CFH: variants seen among roughly 807,000 people sequenced by gnomAD.
The protein encoded by CFH is H factor 1 (complement).
Under a neutral mutation model 147.3 loss-of-function variants are expected in CFH, and 53 were observed. That is an observed-to-expected ratio of 0.36 (90% CI 0.29 to 0.45). CFH has a LOEUF of 0.45. Among genes scored for constraint, CFH ranks in the 20% least tolerant of loss-of-function variants. CFH has a pLI of 1.00. For synonymous variants in CFH, 536 were observed against 489.4 expected (o/e 1.10, Z -1.26); for missense variants, 1,380 against 1,498.0 (o/e 0.92, Z 1.30).
intron 9 of CFH, among the ~76,000 whole-genome samples, chr1:196,692,567 CTTTCT>C (rs2149090369): frequency 7.8e-6 from 1 of 127,724 alleles, no homozygotes; most frequent in Admixed American, 8.5e-5. Context: ...TTTCTTCTTT[CTTTCT>C]TTTTCTTTCT....
At chr1:196,706,464 CA>C (rs1447958845) in intron 9 of CFH, among the ~76,000 whole-genome samples, 1 of 151,792 alleles carries the variant, frequency 6.6e-6, no homozygotes, top group East Asian at 1.9e-4. Context: ...AAAAAATGCC[CA>C]AAGCCTTCCT....
At chr1:196,736,667 A>G (rs1428620475) in intron 15 of CFH, among the ~76,000 whole-genome samples, 157 bp from the exon 16 acceptor site, 1 of 150,652 alleles carries the variant, frequency 6.6e-6, no homozygotes, top group Non-Finnish European at 1.5e-5. Flanking sequence ...ATACAAAAAC[A>G]TCATAATTAA....
At chr1:196,738,714 T>C (rs1217719957) in intron 17 of CFH, among the ~76,000 whole-genome samples, 2 of 152,202 alleles carry the variant, frequency 1.3e-5, no homozygotes, top group Non-Finnish European at 2.9e-5. Context: ...TGAGTGTCTG[T>C]GGCTTTTCCA....
intron 9 of CFH, among the ~76,000 whole-genome samples, chr1:196,712,634 A>C (rs1445473897): frequency 1.4e-5 from 2 of 147,678 alleles, no homozygotes; most frequent in Admixed American, 6.7e-5. Flanking sequence ...TTATTATTAT[A>C]CTTTAAGTTT....
At chr1:196,723,561 C>A (rs1231291854) in intron 11 of CFH, among the ~76,000 whole-genome samples, 1 of 152,134 alleles carries the variant, frequency 6.6e-6, no homozygotes, top group Non-Finnish European at 1.5e-5. Flanking sequence ...TAAGAGCCAG[C>A]TGCAGCAGAG....
intron 1 of CFH, among the ~76,000 whole-genome samples, chr1:196,665,556 A>T (rs971415408): frequency 6.6e-6 from 1 of 151,980 alleles, no homozygotes; most frequent in Non-Finnish European, 1.5e-5. Flanking sequence ...AAATAAAGTA[A>T]GGATTCAAAT....
At chr1:196,737,772 A>C (rs56152784) in intron 17 of CFH, 112 bp downstream of exon 17, 4 of 757,260 alleles carry the variant, frequency 5.3e-6, no homozygotes, top group Non-Finnish European at 8.5e-6. Flanking sequence ...AAAATAATTT[A>C]TATATTATAC....
chr1:196,690,108 A>G lies in CFH; in HGVS notation c.1205A>G (p.His402Arg). The G allele has an allele frequency of 6.2e-7, 1 of 1,612,362 alleles. No homozygotes were observed. Among genetic ancestry groups the G allele is most frequent in the East Asian group, 2.2e-5 (1 of 44,774 alleles). The change falls in exon 9 of 22, where the codon CAT becomes CGT. Residue 402 changes from histidine (H) to arginine (R), a missense_variant. By Grantham distance (29) the His-to-Arg change is conservative (BLOSUM62 0). Around this residue, in one of 4 missense-constraint regions of CFH, gnomAD observed 830 missense variants for 821.4 expected, o/e 1.01. Transcript: ENST00000367429. Reference sequence around the variant, plus strand: ...TTGGAAAATGGATATAATCAAAATCATGGAAGAAAGTTTGTACAGGGTAAA... The same window carrying G: ...TTGGAAAATGGATATAATCAAAATCGTGGAAGAAAGTTTGTACAGGGTAAA... Reference protein sequence around the residue: ...PYLENGYNQNHGRKFVQGKSI... With the variant: ...PYLENGYNQNRGRKFVQGKSI...
chr1:196,672,499 C>A (rs1444156317), intron 1 of CFH, among the ~76,000 whole-genome samples: 2 of 152,128 alleles, frequency 1.3e-5, no homozygotes, highest in Non-Finnish European at 2.9e-5. Context: ...TATAATTTTT[C>A]TACCTGTAAT....
chr1:196,690,165 C>G lies in CFH; in HGVS notation c.1262C>G (p.Ala421Gly). Residue 421 changes from alanine to glycine, a missense_variant, in exon 9 of 22, where the codon GCT becomes GGT. By Grantham distance (60) the Ala-to-Gly change is moderately conservative. Around this residue, in one of 4 missense-constraint regions of CFH, gnomAD observed 830 missense variants for 821.4 expected, o/e 1.01. Coordinates refer to ENST00000367429, the MANE Select transcript of CFH (RefSeq NM_000186.4). ...GACGTTGCCTGCCATCCTGGCTACG[C>G]TCTTCCAAAAGCGCAGACCACAGTT... ...SIDVACHPGYALPKAQTTVTC... is the reference protein window; with the variant it reads ...SIDVACHPGYGLPKAQTTVTC... 6 of 1,613,442 alleles carry G rather than the reference C, an allele frequency of 3.7e-6. No homozygotes were observed. The highest frequency in any genetic ancestry group is 5.1e-6 in the Non-Finnish European group (6 of 1,179,672).
intron 4 of CFH, 108 bp from the exon 5 acceptor site, chr1:196,677,368 T>G: frequency 3.0e-6 from 3 of 1,010,298 alleles, no homozygotes; most frequent in East Asian, 2.6e-5. Flanking sequence ...AAAAATAATT[T>G]AAGTAATTTC....
At chr1:196,708,933 C>A (rs1465274698) in intron 9 of CFH, among the ~76,000 whole-genome samples, 1 of 152,100 alleles carries the variant, frequency 6.6e-6, no homozygotes, top group African/African-American at 2.4e-5. Flanking sequence ...AACTTATTGG[C>A]AACCACAGAA....
chr1:196,667,342 C>T (rs1170671182), intron 1 of CFH, among the ~76,000 whole-genome samples: 2 of 152,124 alleles, frequency 1.3e-5, no homozygotes, highest in Admixed American at 6.5e-5. Context: ...TAATTGGCTC[C>T]TATGAGTCAG....
At chr1:196,698,063 G>C (rs1668337365) in intron 9 of CFH, among the ~76,000 whole-genome samples, 1 of 150,948 alleles carries the variant, frequency 6.6e-6, no homozygotes, top group South Asian at 2.1e-4. Context: ...TAAATGAAGA[G>C]TTAATGGGTG....
At chr1:196,717,489 G>A (rs992977335) in intron 11 of CFH, among the ~76,000 whole-genome samples, 2 of 152,020 alleles carry the variant, frequency 1.3e-5, no homozygotes, top group Non-Finnish European at 2.9e-5. Context: ...GATTAGGTAA[G>A]GTACAGGCCA....
intron 1 of CFH, among the ~76,000 whole-genome samples, chr1:196,664,905 A>G: frequency 6.6e-6 from 1 of 152,146 alleles, no homozygotes; most frequent in East Asian, 1.9e-4. Flanking sequence ...GAGTACTTTT[A>G]AGATTCTTTA....
chr1:196,698,875 C>T (rs115608590), intron 9 of CFH, among the ~76,000 whole-genome samples: 2,211 of 152,250 alleles, frequency 0.015, 57 homozygotes, highest in African/African-American at 0.05. Flanking sequence ...AGCTTATTCA[C>T]CATGAGCAAG....
chr1:196,655,599 T>A (rs1249732914), intron 1 of CFH, among the ~76,000 whole-genome samples: 1 of 152,168 alleles, frequency 6.6e-6, no homozygotes, highest in East Asian at 1.9e-4. Flanking sequence ...TTTATTTGCT[T>A]AATCCTCGAT....
intron 9 of CFH, among the ~76,000 whole-genome samples, chr1:196,706,769 G>T (rs759488821): frequency 3.3e-5 from 5 of 152,038 alleles, no homozygotes; most frequent in Admixed American, 6.6e-5. Flanking sequence ...ATACCTACTT[G>T]GTGCCCAGAA....
Sources: allele counts gnomAD v4.1 joint callset (sites outside exome capture counted in the v4.1 genomes callset), GRCh38; gene constraint gnomAD v4.1.1; regional missense constraint gnomAD v4.1.1; transcripts MANE v1.5; gene names NCBI Gene and HGNC (gene_info 2026-07-23, HGNC 2026-07-21).